Variants in CWF19L1 observed in about 807,000 individuals in gnomAD.
CWF19L1 encodes CWF19 like cell cycle control factor 1, also known as CWF19-like protein 1.
A neutral mutation model predicts 69.7 loss-of-function variants in CWF19L1; 60 were observed. That is an observed-to-expected ratio of 0.86 (90% CI 0.70 to 1.07). CWF19L1 has a LOEUF of 1.07. Among genes scored for constraint, CWF19L1 ranks in the 50% least tolerant of loss-of-function variants. The probability of loss-of-function intolerance (pLI) is 0.00; values close to 1 mark genes in which losing one functional copy is unlikely to be tolerated. For synonymous variants in CWF19L1, 209 were observed against 222.2 expected (o/e 0.94, Z 0.53); for missense variants, 591 against 638.9 (o/e 0.92, Z 0.81).
In CWF19L1 at chr10:100,235,696, A is replaced by G. The variant is rs763677495; in HGVS notation, c.1443T>C (p.Ile481=). 2 of 1,612,262 alleles carry G rather than the reference A, an allele frequency of 1.2e-6. No homozygotes were observed. Among genetic ancestry groups the G allele is most frequent in the Non-Finnish European group, 1.7e-6 (2 of 1,179,770 alleles). The change falls in exon 13 of 14, where the codon ATT becomes ATC. Residue 481 remains isoleucine, a synonymous_variant. Coordinates refer to ENST00000354105, the MANE Select transcript of CWF19L1 (RefSeq NM_018294.6). ...CAAACTGCAAAGGAAAATTCTTTTT[A>G]ATTCTGTGGAAAAGCTTTTCTCCTG... ...LDTGEKLFHR[I]KKNFPLQFGR...
At chr10:100,250,560 A>G (rs1245695894) in intron 6 of CWF19L1, among the ~76,000 whole-genome samples, 3 of 152,178 alleles carry the variant, frequency 2.0e-5, no homozygotes, top group African/African-American at 7.2e-5. Context: ...GAAACCATCA[A>G]AACTCCAACT....
intron 7 of CWF19L1, among the ~76,000 whole-genome samples, chr10:100,247,706 C>A (rs1846874224): frequency 6.6e-6 from 1 of 152,214 alleles, no homozygotes; most frequent in South Asian, 2.1e-4. Flanking sequence ...ACCAGCCCGA[C>A]CAACATGGAG....
At chr10:100,243,611 A>G in intron 10 of CWF19L1, 87 bp downstream of exon 10, 2 of 1,152,574 alleles carry the variant, frequency 1.7e-6, no homozygotes, top group South Asian at 2.5e-5. Context: ...AACATGGGTA[A>G]ATGTTATATG....
chr10:100,262,353 G>A (rs891840394), intron 1 of CWF19L1: 30 of 985,342 alleles, frequency 3.0e-5, no homozygotes, highest in Middle Eastern at 1.0e-3. Context: ...GTCAACAAAA[G>A]TCAAAAATCC....
At chr10:100,249,310 C>T (rs1439208587) in intron 7 of CWF19L1, among the ~76,000 whole-genome samples, 1 of 152,180 alleles carries the variant, frequency 6.6e-6, no homozygotes, top group East Asian at 1.9e-4. Flanking sequence ...TTGTCTATGG[C>T]ATGTGATAGT....
chr10:100,263,985 C>T (rs969733574), intron 1 of CWF19L1, among the ~76,000 whole-genome samples: 1 of 152,166 alleles, frequency 6.6e-6, no homozygotes, highest in African/African-American at 2.4e-5. Flanking sequence ...CAGTTACGTG[C>T]CACATAACAA....
At chr10:100,252,397 T>C (rs998121510) in intron 6 of CWF19L1, among the ~76,000 whole-genome samples, 2 of 151,288 alleles carry the variant, frequency 1.3e-5, no homozygotes, top group Non-Finnish European at 2.9e-5. Flanking sequence ...ATCATGCCAT[T>C]GCACTCCAGC....
At chr10:100,260,918 T>C in intron 3 of CWF19L1, 48 bp downstream of exon 3, 2 of 1,228,514 alleles carry the variant, frequency 1.6e-6, no homozygotes, top group South Asian at 2.8e-5. Flanking sequence ...ACTCTGGCCC[T>C]TGAAATTTTA....
rs1480631608 is a variant in CWF19L1, at chr10:100,246,926, C to T, written c.718G>A (p.Ala240Thr). The T allele has an allele frequency of 1.1e-5, 17 of 1,604,904 alleles. No individual in the cohort carries two copies. The highest frequency in any genetic ancestry group is 1.3e-5 in the African/African-American group (1 of 74,678). ...GNPEKKKYLYAFSIVPMKLMD... is the reference protein window; with the variant it reads ...GNPEKKKYLYTFSIVPMKLMD... ...AGCTTCATGGGAACAATACTGAACG[C>T]GTAAAGATACTTTAGAGAAAAAGAA... Residue 240 changes from alanine to threonine, a missense_variant, in exon 8 of 14, where the codon GCG (alanine) becomes ACG (threonine). By Grantham distance (58) the Ala-to-Thr change is moderately conservative. Coordinates refer to ENST00000354105, the MANE Select transcript of CWF19L1 (RefSeq NM_018294.6).
In CWF19L1 at chr10:100,245,907, A is replaced by G; in HGVS notation, c.856T>C (p.Ser286Pro). 1.2e-6 allele frequency: 2 copies of G among 1,612,934 alleles called. No homozygotes were observed. Among genetic ancestry groups the G allele is most frequent in the Non-Finnish European group, 1.7e-6 (2 of 1,178,890 alleles). ...GKQILAPVEESACQFFFDLNE... is the reference protein window; with the variant it reads ...GKQILAPVEEPACQFFFDLNE... ...AAATCAAAGAAAAACTGACAGGCTG[A>G]TTCTTCCTGGAATGGCCAAAAGCAG... Residue 286 changes from serine to proline, a missense_variant, in exon 9 of 14, where the codon TCA becomes CCA. Ser to Pro is a moderately conservative substitution (Grantham distance 74). Transcript: ENST00000354105.
chr10:100,243,891 A>G (rs763543930), intron 9 of CWF19L1, 114 bp from the exon 10 acceptor site: 10 of 801,306 alleles, frequency 1.2e-5, no homozygotes, highest in Non-Finnish European at 1.9e-5. Context: ...GGTATACAAC[A>G]CTGCCACAAT....
chr10:100,236,808 A>T (rs773360912), intron 12 of CWF19L1, 42 bp downstream of exon 12: 1 of 1,540,074 alleles, frequency 6.5e-7, no homozygotes, highest in Admixed American at 2.1e-5. Flanking sequence ...CAAAAAAAAC[A>T]GATATTTACT....
intron 3 of CWF19L1, 119 bp from the exon 4 acceptor site, chr10:100,260,438 C>T: frequency 1.7e-6 from 1 of 572,166 alleles, no homozygotes; most frequent in East Asian, 3.1e-5. Flanking sequence ...CATTCACATT[C>T]CCCATATTTA....
At chr10:100,236,101 CTTT>C (rs781285945) in intron 12 of CWF19L1, among the ~76,000 whole-genome samples, 7 of 131,328 alleles carry the variant, frequency 5.3e-5, no homozygotes, top group African/African-American at 8.5e-5. Flanking sequence ...TCCACTGCCT[CTTT>C]TTTTTTTTTT....
intron 10 of CWF19L1, 137 bp from the exon 11 acceptor site, chr10:100,238,368 A>C: frequency 1.4e-6 from 1 of 714,896 alleles, no homozygotes; most frequent in South Asian, 1.9e-5. Flanking sequence ...CTTTCTTGAA[A>C]AAATCTGATT....
intron 9 of CWF19L1, among the ~76,000 whole-genome samples, chr10:100,244,454 C>T (rs577098324): frequency 5.3e-4 from 81 of 152,308 alleles, no homozygotes; most frequent in Non-Finnish European, 9.3e-4. Context: ...CTCCCAGGTT[C>T]ATGCCATTCT....
In CWF19L1 at chr10:100,261,054, G is replaced by GT. The variant is rs758949258; in HGVS notation, c.109-11dup. The GT allele has an allele frequency of 5.0e-6, 8 of 1,601,436 alleles. No homozygotes were observed. In the African/African-American group the frequency reaches 1.1e-4, roughly 21 times the overall value. ...CTACACACAACAGCAGCTAAAATGA[G>GT]TTTTTTAAACAGATATATGAGATTT... On this transcript the variant is annotated splice_polypyrimidine_tract_variant and intron_variant, in intron 2 of 13. Transcript: ENST00000354105.
At chr10:100,262,928 C>CTT (rs71305555) in intron 1 of CWF19L1, among the ~76,000 whole-genome samples, 17,572 of 147,944 alleles carry the variant, frequency 0.12, 2,231 homozygotes, top group African/African-American at 0.32. Context: ...CCTCGCCAAA[C>CTT]TTTTTTTTTT....
intron 7 of CWF19L1, chr10:100,248,305 C>A: frequency 7.3e-7 from 1 of 1,368,294 alleles, no homozygotes; most frequent in Non-Finnish European, 1.0e-6. Flanking sequence ...TTTGGCCTGG[C>A]CTTAGCTGTT....
Sources: gnomAD v4.1 joint callset for allele counts (sites outside exome capture counted in the v4.1 genomes callset) on GRCh38, gnomAD v4.1.1 for gene constraint, MANE v1.5 for transcripts, NCBI Gene and HGNC (gene_info 2026-07-23, HGNC 2026-07-21) for gene names.